DCLK1: variants seen among roughly 807,000 people sequenced by gnomAD.
DCLK1 encodes serine/threonine-protein kinase DCLK1.
In DCLK1, 16 loss-of-function variants were observed where a neutral mutation model predicts 86.2. The observed-to-expected ratio is 0.19, with a 90% CI of 0.13 to 0.28. The LOEUF (loss-of-function observed/expected upper bound fraction) is 0.28, where lower values mean the gene tolerates loss of function less well. DCLK1 is among the 10% of genes least tolerant of loss of function. DCLK1 has a pLI of 1.00. For synonymous variants in DCLK1, 369 were observed against 370.5 expected, an observed-to-expected ratio of 1.00 and a Z score of 0.05; for missense variants, 590 against 940.2, an observed-to-expected ratio of 0.63 and a Z score of 4.87.
chr13:35,918,121 T>G (rs1357745399), intron 4 of DCLK1, among the ~76,000 whole-genome samples: 4 of 152,228 alleles, frequency 2.6e-5, no homozygotes, highest in Non-Finnish European at 5.9e-5. Flanking sequence ...GCAAAAAGAA[T>G]GAATCCTTTC....
At chr13:35,863,468 C>T (rs1003811859) in intron 5 of DCLK1, among the ~76,000 whole-genome samples, 1 of 152,138 alleles carries the variant, frequency 6.6e-6, no homozygotes, top group African/African-American at 2.4e-5. Context: ...TGGTTAAAGG[C>T]TTTGAAGAGT....
chr13:35,977,335 T>C (rs1416525621), intron 3 of DCLK1, among the ~76,000 whole-genome samples: 1 of 152,084 alleles, frequency 6.6e-6, no homozygotes, highest in Non-Finnish European at 1.5e-5. Flanking sequence ...GCTCCTTCCT[T>C]GGGGTGGGCA....
intron 3 of DCLK1, among the ~76,000 whole-genome samples, chr13:35,980,465 C>T (rs953140132): frequency 6.0e-4 from 92 of 152,202 alleles, no homozygotes; most frequent in African/African-American, 9.6e-4. Context: ...AAACAAAACA[C>T]GGACTCCGTG....
At chr13:36,022,549 A>G (rs1208695111) in intron 3 of DCLK1, among the ~76,000 whole-genome samples, 1 of 152,102 alleles carries the variant, frequency 6.6e-6, no homozygotes, top group African/African-American at 2.4e-5. Flanking sequence ...AAAGAGAGAA[A>G]TCTCAAAATA....
Position 35,810,908 on chromosome 13 carries a change from TG to T in DCLK1, c.1614del (p.Ile539LeufsTer2). 6.2e-7 allele frequency: 1 copy of T among 1,614,078 alleles called. No homozygotes were observed. Among genetic ancestry groups the T allele is most frequent in the Non-Finnish European group, 8.5e-7 (1 of 1,179,950 alleles). On this transcript the variant is annotated frameshift_variant, in exon 12 of 17. Coordinates refer to ENST00000360631, the MANE Select transcript of DCLK1 (RefSeq NM_001330071.2). LOFTEE classifies it high-confidence loss of function. ...ACTGTGTACAGGGGGCCGTCTACAA[TG>T]GTGGCCAGTCCAAAGTCACCCAGCT... ...SLKLGDFGLATIVDGPLYTVC... is the reference protein window; with the variant it reads ...SLKLGDFGLAXIVDGPLYTVC...
At chr13:35,846,457 T>A in intron 6 of DCLK1, 1 of 985,326 alleles carries the variant, frequency 1.0e-6, no homozygotes, top group Non-Finnish European at 1.2e-6. Context: ...ATTACATGCA[T>A]CATTTATACT....
intron 6 of DCLK1, chr13:35,847,290 A>G: frequency 8.1e-6 from 8 of 985,276 alleles, no homozygotes; most frequent in South Asian, 4.7e-5. Flanking sequence ...ACATGCCCCA[A>G]CTAATATGTC....
chr13:35,821,169 T>C (rs183676770), intron 11 of DCLK1, among the ~76,000 whole-genome samples: 9 of 152,310 alleles, frequency 5.9e-5, no homozygotes, highest in Admixed American at 5.9e-4. Flanking sequence ...CCATGTTCCT[T>C]ACCTATGAAA....
chr13:35,788,391 G>A (rs2086657610), intron 16 of DCLK1: 3 of 1,008,442 alleles, frequency 3.0e-6, no homozygotes, highest in Admixed American at 2.0e-5. Flanking sequence ...ATATAGTTAC[G>A]ATGCCTCTTC....
chr13:35,933,289 G>A (rs1027676278), intron 4 of DCLK1, among the ~76,000 whole-genome samples: 2 of 152,128 alleles, frequency 1.3e-5, no homozygotes, highest in African/African-American at 4.8e-5. Context: ...GCTTTTCCAG[G>A]TGCATGGTGC....
At chr13:36,032,307 A>G (rs915526653) in intron 3 of DCLK1, among the ~76,000 whole-genome samples, 2 of 151,696 alleles carry the variant, frequency 1.3e-5, no homozygotes, top group African/African-American at 4.8e-5. Context: ...AGGCCCGGCT[A>G]ATTTTTTGTA....
chr13:35,841,962 C>G (rs1055640352), intron 6 of DCLK1, among the ~76,000 whole-genome samples: 2 of 151,926 alleles, frequency 1.3e-5, no homozygotes, highest in Non-Finnish European at 2.9e-5. Flanking sequence ...AGTGGGTGGT[C>G]AGATGGCCTC....
rs569380012 is a variant in DCLK1, at chr13:35,871,429, T to C, written c.824-89A>G. ...TGCACAATAAACCTGGAAGTAGAAA[T>C]ATATGACCATCCTCAGTCACATCTA... On this transcript the variant is annotated intron_variant, in intron 4 of 16. Transcript: ENST00000360631. 3 of 1,059,878 alleles carry C rather than the reference T, an allele frequency of 2.8e-6. No individual in the cohort carries two copies. In the South Asian group the frequency reaches 4.2e-5, roughly 15 times the overall value. The allele number at this position is 1,059,878 out of a possible 1,614,324, so 65.7% of individuals were successfully genotyped here.
chr13:35,858,901 C>T (rs577016212), intron 5 of DCLK1, among the ~76,000 whole-genome samples: 24 of 152,198 alleles, frequency 1.6e-4, no homozygotes, highest in Non-Finnish European at 2.8e-4. Context: ...CTTGGCCATA[C>T]AGAAGAGCAT....
intron 11 of DCLK1, among the ~76,000 whole-genome samples, chr13:35,821,574 CA>C (rs1283525035): frequency 6.6e-6 from 1 of 151,376 alleles, no homozygotes; most frequent in Non-Finnish European, 1.5e-5. Flanking sequence ...AAGAGACGGG[CA>C]AAGTAACAGA....
chr13:36,078,503 T>C (rs1217046763), intron 3 of DCLK1, among the ~76,000 whole-genome samples: 1 of 152,222 alleles, frequency 6.6e-6, no homozygotes, highest in Non-Finnish European at 1.5e-5. Flanking sequence ...CCCACAATTC[T>C]TTCATTTCAG....
At chr13:35,851,521 A>G (rs1483617255) in intron 6 of DCLK1, among the ~76,000 whole-genome samples, 2 of 152,186 alleles carry the variant, frequency 1.3e-5, no homozygotes, top group African/African-American at 4.8e-5. Flanking sequence ...GATAATCTAC[A>G]AAAGTCAGTG....
chr13:35,792,224 A>G (rs1388970142), intron 16 of DCLK1, among the ~76,000 whole-genome samples: 3 of 152,224 alleles, frequency 2.0e-5, no homozygotes, highest in Non-Finnish European at 2.9e-5. Context: ...AAAGGGTTCA[A>G]TCGAGAAACA....
At chr13:36,078,922 G>C (rs908336819) in intron 3 of DCLK1, among the ~76,000 whole-genome samples, 4 of 152,180 alleles carry the variant, frequency 2.6e-5, no homozygotes, top group African/African-American at 9.7e-5. Flanking sequence ...CTGCACCGAG[G>C]GAAGGTTGTA....
Sources: gnomAD v4.1 joint callset for allele counts (sites outside exome capture counted in the v4.1 genomes callset) on GRCh38, gnomAD v4.1.1 for gene constraint, MANE v1.5 for transcripts, NCBI Gene and HGNC (gene_info 2026-07-23, HGNC 2026-07-21) for gene names.